NEBL: variants seen among roughly 807,000 people sequenced by gnomAD.
The protein encoded by NEBL is LIM and SH3 protein 2.
A neutral mutation model predicts 140.2 loss-of-function variants in NEBL; 122 were observed. The ratio of observed to expected loss-of-function variants is 0.87; its 90% CI spans 0.75 to 1.01. NEBL has a LOEUF of 1.01. NEBL is among the 50% of genes least tolerant of loss of function. The pLI is 0.00. For synonymous variants in NEBL, 436 were observed against 398.9 expected (o/e 1.09, Z -1.11); for missense variants, 1,365 against 1,231.3 (o/e 1.11, Z -1.62).
Position 20,888,220 on chromosome 10 carries a change from A to G in NEBL, c.259-13T>C. On this transcript the variant is annotated splice_polypyrimidine_tract_variant and intron_variant, in intron 3 of 27. Transcript: ENST00000377122. The stretch of plus-strand genomic sequence containing the variant: ...CTTTGTATTTTGCCTGGGGGAAAAA[A>G]AAACAGGAAAAAAATAAATAAATAA... 2 of 1,402,880 alleles carry G rather than the reference A, an allele frequency of 1.4e-6. No homozygotes were observed. The highest frequency in any genetic ancestry group is 2.0e-6 in the Non-Finnish European group (2 of 1,013,932). The allele number at this position is 1,402,880 out of a possible 1,614,324, so 86.9% of individuals were successfully genotyped here.
rs150897897 is a variant in NEBL at position 20,809,454 on chromosome 10, T to C, written c.2611+352A>G. The stretch of plus-strand genomic sequence containing the variant: ...ACTGTTCTATATATAATTCTTTAAA[T>C]CTACCTTTAAAAAATTATAACAATG... On this transcript the variant is annotated intron_variant, in intron 25 of 27. Transcript: ENST00000377122. 7.4e-3 allele frequency among the ~76,000 whole-genome samples: 1,127 copies of C among 152,284 alleles called. 14 individuals are homozygous for C. The highest frequency in any genetic ancestry group is 0.026 in the African/African-American group (1,071 of 41,570).
intron 3 of NEBL, among the ~76,000 whole-genome samples, chr10:21,005,120 G>C (rs1838080128): frequency 6.6e-6 from 1 of 152,148 alleles, no homozygotes; most frequent in Admixed American, 6.5e-5. Context: ...ATACCAAATT[G>C]AGGACAGAAA....
chr10:20,806,655 C>T (rs368301127), intron 26 of NEBL, among the ~76,000 whole-genome samples: 2 of 152,196 alleles, frequency 1.3e-5, no homozygotes, highest in African/African-American at 2.4e-5. Flanking sequence ...CAAGGTCCCC[C>T]CACCAGCCTC....
chr10:20,906,984 T>C (rs1248746809), intron 4 of NEBL, among the ~76,000 whole-genome samples: 1 of 152,170 alleles, frequency 6.6e-6, no homozygotes, highest in Non-Finnish European at 1.5e-5. Flanking sequence ...TATTTGAACT[T>C]CACAGTTACA....
intron 2 of NEBL, among the ~76,000 whole-genome samples, chr10:21,048,537 G>T (rs1324156943): frequency 6.7e-6 from 1 of 148,808 alleles, no homozygotes; most frequent in Non-Finnish European, 1.5e-5. Context: ...AAGTGGTAAA[G>T]ATGCAAATGG....
At chr10:21,177,827 C>CT (rs1841328018), upstream of NEBL, among the ~76,000 whole-genome samples, 1 of 152,090 alleles carries the variant, frequency 6.6e-6, no homozygotes, top group African/African-American at 2.4e-5. Context: ...CGTGCCCAGC[C>CT]TACAGTCTTT....
At position 20,963,959 on chromosome 10, in the gene NEBL, G is replaced by A. The variant is rs117036966; in HGVS notation, c.250-2180C>T. ...TCTTTACTACACATAGGGAAACTCC[G>A]AGCCATTCATCAGCTCTCTCTTTTC... On this transcript the variant is annotated intron_variant, in intron 3 of 6. Transcript: ENST00000417816. Among the ~76,000 whole-genome samples, 32 of 152,250 alleles carry A rather than the reference G, an allele frequency of 2.1e-4. No individual in the cohort carries two copies. The East Asian group carries it at 2.9e-3, about 14-fold the overall frequency.
At chr10:20,853,087 A>C (rs1050980123) in intron 9 of NEBL, among the ~76,000 whole-genome samples, 1 of 152,226 alleles carries the variant, frequency 6.6e-6, no homozygotes, top group Non-Finnish European at 1.5e-5. Flanking sequence ...AGAAACCCAG[A>C]GGCAAGGAAT....
intron 3 of NEBL, among the ~76,000 whole-genome samples, chr10:20,968,489 C>A (rs1214044527): frequency 6.6e-6 from 1 of 152,068 alleles, no homozygotes; most frequent in Non-Finnish European, 1.5e-5. Context: ...CCAGCCTGGG[C>A]AACAGAGCAA....
chr10:20,891,056 T>C (rs1846986017), intron 2 of NEBL, among the ~76,000 whole-genome samples: 1 of 152,212 alleles, frequency 6.6e-6, no homozygotes, highest in Non-Finnish European at 1.5e-5. Context: ...TCTTAGAGGA[T>C]GTGAATAATA....
chr10:21,035,599 T>C (rs1833982566), intron 2 of NEBL, among the ~76,000 whole-genome samples: 1 of 152,208 alleles, frequency 6.6e-6, no homozygotes, highest in Admixed American at 6.5e-5. Context: ...TCTGCTGTGT[T>C]CAGTGCCTTG....
chr10:20,969,252 C>G (rs1836459791), intron 3 of NEBL, among the ~76,000 whole-genome samples: 1 of 151,698 alleles, frequency 6.6e-6, no homozygotes. Context: ...ATAAATTAAT[C>G]TCATAATTTG....
At chr10:20,849,313 G>C (rs1265836346) in intron 11 of NEBL, among the ~76,000 whole-genome samples, 1 of 152,142 alleles carries the variant, frequency 6.6e-6, no homozygotes, top group Non-Finnish European at 1.5e-5. Flanking sequence ...TGAGAATAAA[G>C]TAGGTAAGTA....
At chr10:20,894,876 C>T (rs1243216783) in intron 2 of NEBL, among the ~76,000 whole-genome samples, 1 of 149,174 alleles carries the variant, frequency 6.7e-6, no homozygotes, top group Non-Finnish European at 1.5e-5. Context: ...TTGCAGTGAG[C>T]CGAGATCGTG....
chr10:21,174,052 G>T, exon 1 of NEBL: 1 of 1,121,132 alleles, frequency 8.9e-7, no homozygotes. Flanking sequence ...GCAGGCGCTG[G>T]GTCTCGGCTC....
At chr10:20,953,512 T>TC (rs1196904535) in intron 4 of NEBL, among the ~76,000 whole-genome samples, 1 of 147,844 alleles carries the variant, frequency 6.8e-6, no homozygotes, top group Non-Finnish European at 1.5e-5. Flanking sequence ...CCTAATTTTT[T>TC]TTTTTTTTTT....
At chr10:21,278,372 A>T (rs1308142648) in intron 1 of NEBL, among the ~76,000 whole-genome samples, 1 of 152,220 alleles carries the variant, frequency 6.6e-6, no homozygotes, top group Non-Finnish European at 1.5e-5. Flanking sequence ...TGAGCCCAGG[A>T]CGTCGAGGCT....
At chr10:21,104,573 CT>C (rs1397676029) in intron 2 of NEBL, among the ~76,000 whole-genome samples, 2 of 152,096 alleles carry the variant, frequency 1.3e-5, no homozygotes, top group Non-Finnish European at 2.9e-5. Context: ...TTTATATTGG[CT>C]TATATACTGC....
chr10:21,285,973 G>C (rs1408019311), intron 1 of NEBL, among the ~76,000 whole-genome samples: 1 of 152,086 alleles, frequency 6.6e-6, no homozygotes, highest in African/African-American at 2.4e-5. Flanking sequence ...CCATTCCTCA[G>C]GCCACATTCC....
Sources: gnomAD v4.1 joint callset for allele counts (sites outside exome capture counted in the v4.1 genomes callset) on GRCh38, gnomAD v4.1.1 for gene constraint, MANE v1.5 for transcripts, NCBI Gene and HGNC (gene_info 2026-07-23, HGNC 2026-07-21) for gene names.